The following FBXW8 variants were observed in gnomAD, a reference collection of about 807,000 sequenced individuals.
FBXW8 encodes F-box/WD repeat-containing protein 8.
In FBXW8, 57 loss-of-function variants were observed where a neutral mutation model predicts 65.3. The ratio of observed to expected loss-of-function variants is 0.87; its 90% CI spans 0.71 to 1.09. FBXW8 has a LOEUF of 1.09. Among genes scored for constraint, FBXW8 ranks in the 50% least tolerant of loss-of-function variants. The pLI is 0.00. For missense variants in FBXW8, 777 were observed against 814.8 expected (o/e 0.95, Z 0.57); for synonymous variants, 308 against 330.2 (o/e 0.93, Z 0.73).
intron 5 of FBXW8, among the ~76,000 whole-genome samples, chr12:116,971,644 A>T (rs1425224684): frequency 6.6e-6 from 1 of 152,174 alleles, no homozygotes; most frequent in Non-Finnish European, 1.5e-5. Flanking sequence ...CTCACATGAG[A>T]GTCTACAGAT....
intron 8 of FBXW8, among the ~76,000 whole-genome samples, chr12:117,020,657 G>T (rs1954072116): frequency 6.6e-6 from 1 of 152,106 alleles, no homozygotes; most frequent in South Asian, 2.1e-4. Flanking sequence ...CTTTTGTATT[G>T]AAAGCAGGAG....
At chr12:117,015,477 T>C (rs990565660) in intron 8 of FBXW8, among the ~76,000 whole-genome samples, 1 of 152,186 alleles carries the variant, frequency 6.6e-6, no homozygotes, top group Non-Finnish European at 1.5e-5. Context: ...GGGCCCTTCC[T>C]ATTCTGTAGC....
At chr12:116,954,649 C>G (rs994131004) in intron 4 of FBXW8, among the ~76,000 whole-genome samples, 6 of 152,174 alleles carry the variant, frequency 3.9e-5, no homozygotes, top group African/African-American at 1.2e-4. Context: ...CCTAGTCTTG[C>G]AATCCTGATT....
chr12:117,018,505 G>A (rs988631858), intron 8 of FBXW8, among the ~76,000 whole-genome samples: 1 of 152,236 alleles, frequency 6.6e-6, no homozygotes, highest in South Asian at 2.1e-4. Flanking sequence ...CCTGTGCTGC[G>A]CGCTGTCAGA....
intron 7 of FBXW8, among the ~76,000 whole-genome samples, chr12:116,999,318 CAGG>C (rs1293703149): frequency 4.6e-5 from 7 of 152,220 alleles, no homozygotes; most frequent in African/African-American, 1.7e-4. Flanking sequence ...GCCTCTGCTG[CAGG>C]AGAACTGTGC....
At chr12:116,918,960 G>A (rs914264205) in intron 1 of FBXW8, among the ~76,000 whole-genome samples, 8 of 151,934 alleles carry the variant, frequency 5.3e-5, no homozygotes, top group Non-Finnish European at 1.0e-4. Context: ...CCCTGTATAT[G>A]CCATGTTTTT....
chr12:116,967,897 G>C (rs967465624), intron 5 of FBXW8, among the ~76,000 whole-genome samples: 1 of 152,150 alleles, frequency 6.6e-6, no homozygotes, highest in Non-Finnish European at 1.5e-5. Context: ...CTCCTGAGTA[G>C]CTGGGATTAC....
chr12:117,000,198 T>C (rs1289848252), intron 7 of FBXW8, among the ~76,000 whole-genome samples: 1 of 152,040 alleles, frequency 6.6e-6, no homozygotes, highest in South Asian at 2.1e-4. Context: ...GGATGGTCTC[T>C]ATCTCCTGAC....
intron 1 of FBXW8, among the ~76,000 whole-genome samples, chr12:116,914,572 C>CAAA (rs142680270): frequency 1.9e-3 from 156 of 83,438 alleles, no homozygotes; most frequent in African/African-American, 5.1e-3. Flanking sequence ...AACCCTGTCT[C>CAAA]AAAAAAAAAA....
intron 2 of FBXW8, among the ~76,000 whole-genome samples, chr12:116,932,445 A>T (rs1881843375): frequency 6.6e-6 from 1 of 152,154 alleles, no homozygotes; most frequent in Admixed American, 6.5e-5. Flanking sequence ...AGTGGTGAAA[A>T]CTGTACCCAA....
chr12:116,929,573 A>C, intron 2 of FBXW8, among the ~76,000 whole-genome samples: 1 of 152,286 alleles, frequency 6.6e-6, no homozygotes, highest in East Asian at 1.9e-4. Context: ...TTATTTTTTT[A>C]AATGGACAAA....
At chr12:116,952,579 A>G (rs762454688) in intron 4 of FBXW8, among the ~76,000 whole-genome samples, 5 of 152,212 alleles carry the variant, frequency 3.3e-5, no homozygotes, top group Non-Finnish European at 7.3e-5. Context: ...AGACGGGACC[A>G]TCTACAGCTG....
intron 1 of FBXW8, among the ~76,000 whole-genome samples, chr12:116,923,790 G>A (rs1484497187): frequency 6.6e-6 from 1 of 151,840 alleles, no homozygotes; most frequent in Non-Finnish European, 1.5e-5. Flanking sequence ...GCGCGATCTC[G>A]GCTCACTGCA....
chr12:116,987,571 G>A (rs1885805264), intron 6 of FBXW8, among the ~76,000 whole-genome samples: 1 of 152,198 alleles, frequency 6.6e-6, no homozygotes, highest in Non-Finnish European at 1.5e-5. Flanking sequence ...CCCTGATGAC[G>A]TTGAAACCAG....
intron 5 of FBXW8, among the ~76,000 whole-genome samples, chr12:116,975,913 G>C (rs1297250681): frequency 6.6e-6 from 1 of 152,172 alleles, no homozygotes; most frequent in East Asian, 1.9e-4. Flanking sequence ...TCCTGGACCA[G>C]AAAAAATATG....
At position 116,936,773 on chromosome 12, in the gene FBXW8, C is replaced by T. The variant is rs997917139; in HGVS notation, c.424-8591C>T. Among the ~76,000 whole-genome samples the T allele has an allele frequency of 3.3e-5, 5 of 152,026 alleles. No homozygotes were observed. The highest frequency in any genetic ancestry group is 4.4e-5 in the Non-Finnish European group (3 of 68,024). On this transcript the variant is annotated intron_variant, in intron 2 of 10. Coordinates refer to ENST00000652555, the MANE Select transcript of FBXW8 (RefSeq NM_153348.3). This position sits in a 1 kb window ranked among gnomAD's most constrained non-coding sequence, Gnocchi z 4.6. ...TTAGCGCAGCCATAGGAGACTGATA[C>T]GGGGATGTGGTGAGCAGAAGGATAA...
At chr12:116,948,429 T>G (rs372248535) in intron 3 of FBXW8, among the ~76,000 whole-genome samples, 1 of 152,204 alleles carries the variant, frequency 6.6e-6, no homozygotes, top group African/African-American at 2.4e-5. Flanking sequence ...TTGGATTAAG[T>G]TAAGACCATC....
intron 2 of FBXW8, among the ~76,000 whole-genome samples, chr12:116,942,010 C>T (rs970908034): frequency 3.9e-5 from 6 of 152,004 alleles, no homozygotes; most frequent in Non-Finnish European, 7.4e-5. Flanking sequence ...TCATTTTATT[C>T]ATTTTTTTGG....
intron 3 of FBXW8, chr12:116,949,321 T>C (rs1883121303): frequency 2.6e-6 from 1 of 377,938 alleles, no homozygotes; most frequent in Non-Finnish European, 4.9e-6. Context: ...TGGATGGTAG[T>C]TATTGGTGAG....
Sources: allele counts gnomAD v4.1 joint callset (sites outside exome capture counted in the v4.1 genomes callset), GRCh38; gene constraint gnomAD v4.1.1; non-coding constraint Gnocchi (gnomAD v3.1); transcripts MANE v1.5; gene names NCBI Gene and HGNC (gene_info 2026-07-23, HGNC 2026-07-21).